HCRTR2: variants seen among roughly 807,000 people sequenced by gnomAD.
HCRTR2 encodes the protein orexin receptor type 2.
In HCRTR2, 22 loss-of-function variants were observed where a neutral mutation model predicts 49.0. The ratio of observed to expected loss-of-function variants is 0.45; its 90% CI spans 0.32 to 0.64. The LOEUF (loss-of-function observed/expected upper bound fraction) is 0.64, where lower values mean the gene tolerates loss of function less well. HCRTR2 is among the 30% of genes least tolerant of loss of function. The pLI is 0.04. For missense variants in HCRTR2, 491 were observed against 559.4 expected, an observed-to-expected ratio of 0.88 and a Z score of 1.23; for synonymous variants, 236 against 205.3, an observed-to-expected ratio of 1.15 and a Z score of -1.28.
intron 1 of HCRTR2, among the ~76,000 whole-genome samples, chr6:55,220,101 A>T (rs1315024001): frequency 6.6e-6 from 1 of 152,118 alleles, no homozygotes; most frequent in Non-Finnish European, 1.5e-5. Flanking sequence ...TTCACTGGAG[A>T]ATTCTGCCAA....
intron 1 of HCRTR2, among the ~76,000 whole-genome samples, chr6:55,235,428 T>C (rs1214403847): frequency 6.6e-6 from 1 of 152,152 alleles, no homozygotes; most frequent in Non-Finnish European, 1.5e-5. Context: ...TTCAAATAAA[T>C]GTGTTGTAAA....
rs374863361 is a variant in HCRTR2 at position 55,259,269 on chromosome 6, A to G, written c.646+3890A>G. On this transcript the variant is annotated intron_variant, in intron 3 of 6. Coordinates refer to ENST00000370862, the MANE Select transcript of HCRTR2 (RefSeq NM_001384272.1). ...TTTTTACAGTCAAAGTAATTATGGC[A>G]TCTGGCCTATTATGAGGTTTGAAAG... 4.1e-4 allele frequency among the ~76,000 whole-genome samples: 62 copies of G among 152,042 alleles called. 1 individual carries two copies. The East Asian group carries it at 5.2e-3, about 13-fold the overall frequency.
intron 1 of HCRTR2, among the ~76,000 whole-genome samples, chr6:55,116,428 C>A: frequency 6.7e-6 from 1 of 148,308 alleles, no homozygotes. Flanking sequence ...CTAAAAGAGG[C>A]TAAAATACTT....
chr6:55,112,987 C>G (rs796116457), intron 1 of HCRTR2, among the ~76,000 whole-genome samples: 21 of 152,002 alleles, frequency 1.4e-4, no homozygotes, highest in African/African-American at 5.1e-4. Flanking sequence ...TACTTACAGC[C>G]AACTGATCTT....
chr6:55,109,466 A>T (rs73438551), intron 1 of HCRTR2, among the ~76,000 whole-genome samples: 6,112 of 150,142 alleles, frequency 0.041, 407 homozygotes, highest in African/African-American at 0.14. Flanking sequence ...TAAAGAAATT[A>T]AAAAAAAAAG....
intron 1 of HCRTR2, among the ~76,000 whole-genome samples, chr6:55,237,503 G>A (rs893425611): frequency 6.6e-6 from 1 of 152,216 alleles, no homozygotes; most frequent in East Asian, 1.9e-4. Context: ...CTTATTTTTG[G>A]TTAGGTACTA....
intron 1 of HCRTR2, among the ~76,000 whole-genome samples, chr6:55,156,076 C>T (rs977540503): frequency 1.3e-5 from 2 of 151,834 alleles, no homozygotes; most frequent in East Asian, 3.9e-4. Context: ...ATATTAAGTG[C>T]TTAGGTTTCA....
At chr6:55,249,984 C>T (rs1341922217) in intron 2 of HCRTR2, among the ~76,000 whole-genome samples, 1 of 151,978 alleles carries the variant, frequency 6.6e-6, no homozygotes, top group East Asian at 1.9e-4. Context: ...CACAAATAGC[C>T]TATTACTAGA....
chr6:55,139,298 T>C (rs6941871), intron 1 of HCRTR2, among the ~76,000 whole-genome samples: 152,252 of 152,290 alleles, frequency 1, 76,107 homozygotes, highest in Non-Finnish European at 1. Flanking sequence ...TTTTAAGGAC[T>C]ACACTTGCTG....
chr6:55,267,353 A>C (rs922814281), intron 4 of HCRTR2, among the ~76,000 whole-genome samples: 11 of 151,814 alleles, frequency 7.2e-5, no homozygotes, highest in African/African-American at 2.7e-4. Context: ...AGCCTCATTA[A>C]AAGAATTAGC....
At chr6:55,245,479 A>C (rs1467614369) in intron 1 of HCRTR2, among the ~76,000 whole-genome samples, 2 of 117,942 alleles carry the variant, frequency 1.7e-5, no homozygotes, top group Non-Finnish European at 3.3e-5. Context: ...TTATATATAT[A>C]TATATATATA....
At chr6:55,173,042 G>A (rs1294961622), upstream of HCRTR2, among the ~76,000 whole-genome samples, 1 of 152,144 alleles carries the variant, frequency 6.6e-6, no homozygotes, top group African/African-American at 2.4e-5. Context: ...GTAGGTGGGA[G>A]CTACTGTCAT....
At chr6:55,184,571 T>C (rs1167948997) in intron 1 of HCRTR2, among the ~76,000 whole-genome samples, 3 of 152,338 alleles carry the variant, frequency 2.0e-5, no homozygotes, top group African/African-American at 7.2e-5. Flanking sequence ...TTAAATGACA[T>C]GTATTTTATT....
At chr6:55,138,035 T>C (rs996194039) in intron 1 of HCRTR2, among the ~76,000 whole-genome samples, 1 of 152,188 alleles carries the variant, frequency 6.6e-6, no homozygotes, top group African/African-American at 2.4e-5. Flanking sequence ...CGGGATATAC[T>C]GCATTTAATG....
At chr6:55,182,073 C>G (rs1765143159) in intron 1 of HCRTR2, among the ~76,000 whole-genome samples, 1 of 152,150 alleles carries the variant, frequency 6.6e-6, no homozygotes, top group Non-Finnish European at 1.5e-5. Flanking sequence ...CTTAGTATCA[C>G]GAAAGTTTAT....
intron 1 of HCRTR2, among the ~76,000 whole-genome samples, chr6:55,144,957 TC>T (rs1231512292): frequency 6.6e-6 from 1 of 152,158 alleles, no homozygotes; most frequent in Non-Finnish European, 1.5e-5. Context: ...ATTCAAACTG[TC>T]TTTTCTTCCC....
At chr6:55,134,860 T>C (rs1764412064) in intron 1 of HCRTR2, among the ~76,000 whole-genome samples, 1 of 152,060 alleles carries the variant, frequency 6.6e-6, no homozygotes, top group Non-Finnish European at 1.5e-5. Context: ...TCTTTCTCTG[T>C]GTGTATATGA....
chr6:55,216,425 G>A (rs1480030025), intron 1 of HCRTR2, among the ~76,000 whole-genome samples: 1 of 152,118 alleles, frequency 6.6e-6, no homozygotes, highest in African/African-American at 2.4e-5. Flanking sequence ...TCCTTGGGCA[G>A]GTTCCCTTTC....
At chr6:55,201,411 C>T (rs1388374447) in intron 1 of HCRTR2, among the ~76,000 whole-genome samples, 1 of 151,994 alleles carries the variant, frequency 6.6e-6, no homozygotes, top group Non-Finnish European at 1.5e-5. Flanking sequence ...GTACAGAAAG[C>T]TTGAATAAGG....
Sources: gnomAD v4.1 joint callset for allele counts (sites outside exome capture counted in the v4.1 genomes callset) on GRCh38, gnomAD v4.1.1 for gene constraint, MANE v1.5 for transcripts, NCBI Gene and HGNC (gene_info 2026-07-23, HGNC 2026-07-21) for gene names.